Variants in RRAS2 observed in about 807,000 individuals in gnomAD.
RRAS2 encodes RAS related 2.
A neutral mutation model predicts 27.6 loss-of-function variants in RRAS2; 7 were observed. The observed-to-expected ratio is 0.25, with a 90% confidence interval of 0.14 to 0.48. RRAS2 has a LOEUF of 0.48. Among genes scored for constraint, RRAS2 ranks in the 20% least tolerant of loss-of-function variants. The pLI, the probability that RRAS2 is intolerant of heterozygous loss-of-function variation, is 0.99. For synonymous variants in RRAS2, 86 were observed against 90.9 expected (o/e 0.95, Z 0.31); for missense variants, 178 against 256.2 (o/e 0.69, Z 2.08).
intron 1 of RRAS2, among the ~76,000 whole-genome samples, chr11:14,313,990 A>G (rs1168175318): frequency 6.6e-6 from 1 of 152,242 alleles, no homozygotes; most frequent in African/African-American, 2.4e-5. Flanking sequence ...TTAATTTATT[A>G]TGTTATAAAA....
intron 1 of RRAS2, among the ~76,000 whole-genome samples, chr11:14,335,861 T>C (rs1433187675): frequency 3.3e-5 from 5 of 152,134 alleles, no homozygotes; most frequent in African/African-American, 1.2e-4. Flanking sequence ...AACAAAAGAA[T>C]GCTCTCTCTA....
intron 1 of RRAS2, among the ~76,000 whole-genome samples, chr11:14,319,655 G>A (rs1848185354): frequency 6.6e-6 from 1 of 151,774 alleles, no homozygotes; most frequent in Non-Finnish European, 1.5e-5. Flanking sequence ...ACCGCGCCCG[G>A]CCGGTTCCCT....
chr11:14,339,436 A>G (rs1848654537), intron 1 of RRAS2, among the ~76,000 whole-genome samples: 1 of 152,142 alleles, frequency 6.6e-6, no homozygotes, highest in African/African-American at 2.4e-5. Flanking sequence ...ATTCTATTTT[A>G]TAAAATGAGA....
chr11:14,364,455 A>T, exon 1 of RRAS2: 2 of 1,499,554 alleles, frequency 1.3e-6, no homozygotes, highest in Non-Finnish European at 1.8e-6. Context: ...AATGTGAATG[A>T]ATGGCTGGCA....
chr11:14,297,590 C>T (rs558423871), intron 1 of RRAS2, among the ~76,000 whole-genome samples: 4 of 152,186 alleles, frequency 2.6e-5, no homozygotes, highest in East Asian at 1.9e-4. Flanking sequence ...GGTGAGACCG[C>T]ATCTCCACGA....
intron 1 of RRAS2, among the ~76,000 whole-genome samples, chr11:14,348,408 A>G (rs2134032648): frequency 6.6e-6 from 1 of 152,272 alleles, no homozygotes; most frequent in East Asian, 1.9e-4. Context: ...ATTTTTACCC[A>G]CTTAGTTTTA....
In RRAS2 at chr11:14,364,407, G is replaced by A. The variant is rs782636672; in HGVS notation, c.-140C>T. 5.9e-6 allele frequency: 9 copies of A among 1,535,784 alleles called. No individual in the cohort carries two copies. In the South Asian group the frequency reaches 9.5e-5, roughly 16 times the overall value. On this transcript the variant is annotated 5_prime_UTR_variant, in exon 1 of 6. Coordinates refer to the RRAS2 transcript ENST00000529237. The stretch of plus-strand genomic sequence containing the variant: ...AATACTTACCATGGGTGATGGAGGA[G>A]CATCATCCACTTATTTCCTTAATGG...
intron 1 of RRAS2, among the ~76,000 whole-genome samples, chr11:14,330,267 T>C (rs1459896799): frequency 6.6e-6 from 1 of 152,208 alleles, no homozygotes; most frequent in African/African-American, 2.4e-5. Flanking sequence ...TTGGTAGTCC[T>C]GATAATTTAA....
chr11:14,294,025 G>A (rs1554946190), intron 4 of RRAS2, among the ~76,000 whole-genome samples: 1 of 152,174 alleles, frequency 6.6e-6, no homozygotes, highest in African/African-American at 2.4e-5. Flanking sequence ...AGTCATTAAA[G>A]TGACTTAGAA....
chr11:14,311,065 A>G (rs1847952173), intron 1 of RRAS2, among the ~76,000 whole-genome samples: 1 of 152,232 alleles, frequency 6.6e-6, no homozygotes, highest in Non-Finnish European at 1.5e-5. Flanking sequence ...AAAGCATTTT[A>G]GGCCAGAAGC....
chr11:14,320,193 ATGCACGG>A (rs1286783408), intron 1 of RRAS2, among the ~76,000 whole-genome samples: 1 of 152,320 alleles, frequency 6.6e-6, no homozygotes, highest in South Asian at 2.1e-4. Flanking sequence ...CAAAGTTCTA[ATGCACGG>A]TGCTGATTTT....
intron 1 of RRAS2, among the ~76,000 whole-genome samples, chr11:14,351,328 G>A (rs1456201593): frequency 4.6e-5 from 7 of 152,242 alleles, no homozygotes; most frequent in Admixed American, 3.3e-4. Flanking sequence ...TATAAAAGGC[G>A]TAACTGGAAC....
rs1310641195 is a variant in RRAS2, at chr11:14,313,054, A to G, written c.109-17199T>C. Among the ~76,000 whole-genome samples the G allele has an allele frequency of 2.0e-5, 3 of 152,240 alleles. No homozygotes were observed. The East Asian group carries it at 5.8e-4, about 29-fold the overall frequency. On this transcript the variant is annotated intron_variant, in intron 1 of 5. Transcript: ENST00000256196. ...GTTTTTATAAAATATCTTATGGCAC[A>G]CAAATTTAAATCAGACTAGGTCGCT...
At chr11:14,290,603 A>T (rs1303350773) in intron 4 of RRAS2, among the ~76,000 whole-genome samples, 2 of 152,192 alleles carry the variant, frequency 1.3e-5, no homozygotes, top group Non-Finnish European at 2.9e-5. Flanking sequence ...CACGGAGACA[A>T]AGTAGTACCA....
intron 4 of RRAS2, among the ~76,000 whole-genome samples, chr11:14,284,947 A>G (rs1480605763): frequency 6.6e-6 from 1 of 152,096 alleles, no homozygotes; most frequent in Non-Finnish European, 1.5e-5. Context: ...TTTTTTATTC[A>G]ATCTAACACA....
upstream of RRAS2, among the ~76,000 whole-genome samples, chr11:14,361,168 T>C (rs963629364): frequency 2.0e-5 from 3 of 152,038 alleles, no homozygotes; most frequent in Non-Finnish European, 4.4e-5. Flanking sequence ...ACGCCTATAG[T>C]CCCAGCCACT....
At chr11:14,291,717 T>C (rs1847398050) in intron 4 of RRAS2, among the ~76,000 whole-genome samples, 1 of 152,076 alleles carries the variant, frequency 6.6e-6, no homozygotes, top group Non-Finnish European at 1.5e-5. Flanking sequence ...AAAAAAATTA[T>C]AATCCAATGA....
Position 14,294,895 on chromosome 11 carries a change from G to GT in RRAS2, c.197-34dup, listed in dbSNP as rs1258053574. On this transcript the variant is annotated intron_variant, in intron 2 of 5. Transcript: ENST00000256196. ...AAAAACAACAAATGTAATTATACTT[G>GT]TTTTTTATAAACTGCTTCCCCACAA... 5.7e-6 allele frequency: 9 copies of GT among 1,591,492 alleles called. No homozygotes were observed. The South Asian group carries it at 1.0e-4, about 18-fold the overall frequency.
chr11:14,348,225 T>C (rs1175657484), intron 1 of RRAS2, among the ~76,000 whole-genome samples: 2 of 152,196 alleles, frequency 1.3e-5, no homozygotes, highest in African/African-American at 2.4e-5. Flanking sequence ...TATTATTATG[T>C]AGAGTAACAT....
Sources: gnomAD v4.1 joint callset for allele counts (sites outside exome capture counted in the v4.1 genomes callset) on GRCh38, gnomAD v4.1.1 for gene constraint, MANE v1.5 for transcripts, NCBI Gene and HGNC (gene_info 2026-07-23, HGNC 2026-07-21) for gene names.